The following SLC45A1 variants were observed in gnomAD, a reference collection of about 807,000 sequenced individuals.
SLC45A1 encodes solute carrier family 45 member 1, also known as proton-associated sugar transporter A.
SLC45A1 carries 28 observed loss-of-function variants against 57.6 expected under a neutral mutation model. The ratio of observed to expected loss-of-function variants is 0.49; its 90% CI spans 0.36 to 0.67. The LOEUF is 0.67. Among genes scored for constraint, SLC45A1 ranks in the 30% least tolerant of loss-of-function variants. The pLI is 0.00. For missense variants in SLC45A1, 814 were observed against 1,041.5 expected, an observed-to-expected ratio of 0.78 and a Z score of 3.01; for synonymous variants, 459 against 471.5, an observed-to-expected ratio of 0.97 and a Z score of 0.34.
chr1:8,332,505 G>A (rs928386271), intron 5 of SLC45A1, among the ~76,000 whole-genome samples: 3 of 151,534 alleles, frequency 2.0e-5, no homozygotes, highest in African/African-American at 4.9e-5. Flanking sequence ...GGGGTTTCAC[G>A]GGCTGATTTT....
intron 8 of SLC45A1, among the ~76,000 whole-genome samples, chr1:8,341,558 G>A (rs1285683862): frequency 1.9e-4 from 25 of 134,154 alleles, no homozygotes; most frequent in East Asian, 4.5e-4. Context: ...GTAATACTTT[G>A]AAAAAAAAAA....
intron 8 of SLC45A1, among the ~76,000 whole-genome samples, chr1:8,342,687 A>G (rs1306011049): frequency 2.0e-5 from 3 of 152,176 alleles, no homozygotes; most frequent in Non-Finnish European, 2.9e-5. Context: ...CTGCATTGAA[A>G]TATTACCTGG....
At position 8,344,031 on chromosome 1, in the gene SLC45A1, T is replaced by C. The variant is rs201968841; in HGVS notation, c.*18T>C. 1 of 1,595,152 alleles carries C rather than the reference T, an allele frequency of 6.3e-7. No homozygotes were observed. The highest frequency in any genetic ancestry group is 8.6e-7 in the Non-Finnish European group (1 of 1,168,722). On this transcript the variant is annotated 3_prime_UTR_variant, in exon 9 of 9. Coordinates refer to ENST00000471889, the MANE Select transcript of SLC45A1 (RefSeq NM_001080397.3). ...ACGTCTGACATCGCGGAGCCTCGAC[T>C]CCGGACACGCGCCTGCACCTGGGGG... is the stretch of plus-strand genomic sequence containing the variant.
Position 8,330,470 on chromosome 1 carries a change from T to C in SLC45A1, c.977T>C (p.Leu326Pro). Residue 326 changes from leucine (L) to proline (P), a missense_variant, in exon 5 of 9, where the codon CTC (leucine) becomes CCC (proline). Coordinates refer to ENST00000471889, the MANE Select transcript of SLC45A1 (RefSeq NM_001080397.3). This position sits in a 1 kb window ranked among gnomAD's most constrained non-coding sequence, Gnocchi z 8.4. Reference protein sequence around the residue: ...VLPEEGPGDSLPSHTATNFSS... With the variant: ...VLPEEGPGDSPPSHTATNFSS... Reference sequence around the variant, plus strand: ...CCAGAGGAAGGCCCTGGCGACAGCCTCCCGTCGCACACGGCCACCAACTTC... The same window carrying C: ...CCAGAGGAAGGCCCTGGCGACAGCCCCCCGTCGCACACGGCCACCAACTTC... 2 of 1,612,442 alleles carry C rather than the reference T, an allele frequency of 1.2e-6. No individual in the cohort carries two copies. Among genetic ancestry groups the C allele is most frequent in the Admixed American group, 1.7e-5 (1 of 59,976 alleles).
At chr1:8,338,081 C>A in intron 7 of SLC45A1, 89 bp downstream of exon 7, 3 of 1,209,680 alleles carry the variant, frequency 2.5e-6, no homozygotes, top group Non-Finnish European at 3.5e-6. Flanking sequence ...CATGGCCTTA[C>A]GATTGCAGAC....
chr1:8,328,330 T>C lies in SLC45A1; in HGVS notation c.716-1879T>C, dbSNP rs1640263783. Among the ~76,000 whole-genome samples, 1 of 152,104 alleles carries C rather than the reference T, an allele frequency of 6.6e-6. No homozygotes were observed. The highest frequency in any genetic ancestry group is 1.5e-5 in the Non-Finnish European group (1 of 68,022). On this transcript the variant is annotated intron_variant, in intron 4 of 8. Coordinates refer to ENST00000471889, the MANE Select transcript of SLC45A1 (RefSeq NM_001080397.3). The surrounding 1 kb of genome is among the most constrained non-coding windows in gnomAD (Gnocchi z 4.6). Reference sequence around the variant, plus strand: ...GAGCTGAAAGTCCACGTGGCGCAAATGGCTCTACTTCCACAAGCCTCGGTC... The same window carrying C: ...GAGCTGAAAGTCCACGTGGCGCAAACGGCTCTACTTCCACAAGCCTCGGTC...
chr1:8,332,485 A>G (rs1271157385), intron 5 of SLC45A1, among the ~76,000 whole-genome samples: 1 of 151,550 alleles, frequency 6.6e-6, no homozygotes, highest in African/African-American at 2.4e-5. Context: ...AAGGCCACCA[A>G]CTGATCTGTG....
At position 8,326,370 on chromosome 1, in the gene SLC45A1, C is replaced by T. The variant is rs1415501024; in HGVS notation, c.715+328C>T. On this transcript the variant is annotated intron_variant, in intron 4 of 8. Coordinates refer to ENST00000471889, the MANE Select transcript of SLC45A1 (RefSeq NM_001080397.3). The surrounding 1 kb of genome is among the most constrained non-coding windows in gnomAD (Gnocchi z 5.5). Reference sequence around the variant, plus strand: ...CCGCATCTCGCTCCTAGGAAAAATACAGGGTTAGGTTCCTGTGAGCCTCCA... The same window carrying T: ...CCGCATCTCGCTCCTAGGAAAAATATAGGGTTAGGTTCCTGTGAGCCTCCA... Among the ~76,000 whole-genome samples the T allele has an allele frequency of 2.0e-5, 3 of 152,226 alleles. No homozygotes were observed. The East Asian group carries it at 5.8e-4, about 29-fold the overall frequency.
chr1:8,330,273 G>A lies in SLC45A1; in HGVS notation c.780G>A (p.Arg260=), dbSNP rs768998199. Reference sequence around the variant, plus strand: ...ACTGGGATAAAACGGGCTTCGGGAGGGCCCTGGGGGGACAGCTCCGAGTCA... The same window carrying A: ...ACTGGGATAAAACGGGCTTCGGGAGAGCCCTGGGGGGACAGCTCCGAGTCA... The part of the protein sequence containing the change: ...GIHWDKTGFG[R]ALGGQLRVIY... Residue 260 remains arginine, a synonymous_variant, in exon 5 of 9, where the codon AGG becomes AGA. Coordinates refer to ENST00000471889, the MANE Select transcript of SLC45A1 (RefSeq NM_001080397.3). This position sits in a 1 kb window ranked among gnomAD's most constrained non-coding sequence, Gnocchi z 8.4. 94 of 1,613,928 alleles carry A rather than the reference G, an allele frequency of 5.8e-5. No homozygotes were observed. The highest frequency in any genetic ancestry group is 1.5e-4 in the Admixed American group (9 of 60,014).
chr1:8,332,091 C>T (rs1263145602), intron 5 of SLC45A1, among the ~76,000 whole-genome samples: 1 of 152,198 alleles, frequency 6.6e-6, no homozygotes, highest in South Asian at 2.1e-4. Flanking sequence ...TGCGCCCGGC[C>T]GACAACTCTT....
Position 8,335,460 on chromosome 1 carries a change from C to A in SLC45A1, c.1467C>A (p.Gly489=). Reference sequence around the variant, plus strand: ...AGGTGGCCAATATCCTGCTCAACGGCGTGAAGTATGAGAGCGAGCTGACGG... The same window carrying A: ...AGGTGGCCAATATCCTGCTCAACGGAGTGAAGTATGAGAGCGAGCTGACGG... ...SQQVANILLN[G]VKYESELTGS... is the part of the protein sequence containing the mutation. Residue 489 remains glycine (G), a synonymous_variant, in exon 6 of 9, where the codon GGC becomes GGA. Transcript: ENST00000471889. This position sits in a 1 kb window ranked among gnomAD's most constrained non-coding sequence, Gnocchi z 4.1. 2 of 1,596,712 alleles carry A rather than the reference C, an allele frequency of 1.3e-6. No homozygotes were observed. The highest frequency in any genetic ancestry group is 1.1e-5 in the South Asian group (1 of 90,462).
intron 5 of SLC45A1, among the ~76,000 whole-genome samples, chr1:8,331,625 A>G (rs1319546149): frequency 1.3e-5 from 2 of 152,122 alleles, no homozygotes; most frequent in Non-Finnish European, 2.9e-5. Context: ...CAGGTGACAG[A>G]GCAAGACCTT....
rs779767956 is a variant in SLC45A1 at position 8,327,496 on chromosome 1, G to C, written c.715+1454G>C. ...GTGCAGGAGTTCAGCATGATGCTTA[G>C]TTATCAATGTACTGTATAAAAATCA... is the stretch of plus-strand genomic sequence containing the variant. On this transcript the variant is annotated intron_variant, in intron 4 of 8. Transcript: ENST00000471889. The surrounding 1 kb of genome is among the most constrained non-coding windows in gnomAD (Gnocchi z 4.3). Among the ~76,000 whole-genome samples, 1 of 152,164 alleles carries C rather than the reference G, an allele frequency of 6.6e-6. No individual in the cohort carries two copies. The highest frequency in any genetic ancestry group is 1.5e-5 in the Non-Finnish European group (1 of 68,036).
chr1:8,333,433 G>C (rs535045369), intron 5 of SLC45A1, among the ~76,000 whole-genome samples: 3 of 150,864 alleles, frequency 2.0e-5, no homozygotes, highest in Non-Finnish European at 4.4e-5. Flanking sequence ...CACCATGCCC[G>C]GCCTTGTTTG....
chr1:8,330,603 G>T lies in SLC45A1; in HGVS notation c.1110G>T (p.Thr370=), dbSNP rs752215389. Residue 370 remains threonine, a synonymous_variant, in exon 5 of 9, where the codon ACG becomes ACT. Transcript: ENST00000471889. The surrounding 1 kb of genome is among the most constrained non-coding windows in gnomAD (Gnocchi z 8.4). Reference sequence around the variant, plus strand: ...GCGAGTTCGCCTCATCCTTTGGCACGGCCAACATAGACAGCGTCCTCATTG... The same window carrying T: ...GCGAGTTCGCCTCATCCTTTGGCACTGCCAACATAGACAGCGTCCTCATTG... ...GISEFASSFG[T]ANIDSVLIDC... is the part of the protein sequence containing the mutation. The T allele has an allele frequency of 6.2e-7, 1 of 1,613,502 alleles. No homozygotes were observed. The highest frequency in any genetic ancestry group is 1.3e-5 in the African/African-American group (1 of 74,928).
At chr1:8,321,022 T>G (rs899505505) in intron 1 of SLC45A1, among the ~76,000 whole-genome samples, 7 of 152,072 alleles carry the variant, frequency 4.6e-5, no homozygotes, top group African/African-American at 1.7e-4. Context: ...CTGAAGGAGA[T>G]GGTCTTACAC....
chr1:8,325,534 C>T lies in SLC45A1; in HGVS notation c.490+144C>T, dbSNP rs2124294414. Reference sequence around the variant, plus strand: ...CGCACTGGTGTGAGGCAGGGAGTGCCCCGCAACCTGGCCTCAGTTAACTGT... The same window carrying T: ...CGCACTGGTGTGAGGCAGGGAGTGCTCCGCAACCTGGCCTCAGTTAACTGT... On this transcript the variant is annotated intron_variant, in intron 3 of 8. Transcript: ENST00000471889. This position sits in a 1 kb window ranked among gnomAD's most constrained non-coding sequence, Gnocchi z 6.3. The T allele has an allele frequency of 1.5e-6, 1 of 657,474 alleles. No homozygotes were observed. 40.7% of individuals were successfully genotyped at this position (657,474 alleles called of 1,614,324 possible). A position where few individuals can be genotyped will look rare whatever the true frequency, so the allele number is the denominator to read the frequency against.
Position 8,324,380 on chromosome 1 carries a change from C to A in SLC45A1, c.51C>A (p.Ser17Arg), listed in dbSNP as rs767937366. ...STPPGDALFP[S>R]VAPQDFWRSQ... Reference sequence around the variant, plus strand: ...CGCCGGGAGATGCCCTCTTCCCCAGCGTGGCCCCACAGGACTTCTGGAGGT... The same window carrying A: ...CGCCGGGAGATGCCCTCTTCCCCAGAGTGGCCCCACAGGACTTCTGGAGGT... Residue 17 changes from serine to arginine, a missense_variant, in exon 2 of 9, where the codon AGC (serine) becomes AGA (arginine). Transcript: ENST00000471889. 1 of 1,612,788 alleles carries A rather than the reference C, an allele frequency of 6.2e-7. No homozygotes were observed. The highest frequency in any genetic ancestry group is 8.5e-7 in the Non-Finnish European group (1 of 1,179,986).
rs550344239 is a variant in SLC45A1, at chr1:8,329,073, C to T, written c.716-1136C>T. ...GGACTGGAGCTTTTGAATGGACACG[C>T]CAAGTGAAATGAAAAGGCCCGTCTG... On this transcript the variant is annotated intron_variant, in intron 4 of 8. Coordinates refer to ENST00000471889, the MANE Select transcript of SLC45A1 (RefSeq NM_001080397.3). Among the ~76,000 whole-genome samples the T allele has an allele frequency of 3.8e-4, 57 of 151,998 alleles. 1 individual carries two copies. The highest frequency in any genetic ancestry group is 3.7e-3 in the Admixed American group (57 of 15,264).
Sources: gnomAD v4.1 joint callset for allele counts (sites outside exome capture counted in the v4.1 genomes callset) on GRCh38, gnomAD v4.1.1 for gene constraint, Gnocchi (gnomAD v3.1) non-coding constraint, MANE v1.5 for transcripts, NCBI Gene and HGNC (gene_info 2026-07-23, HGNC 2026-07-21) for gene names.